Variants in WWOX observed in about 807,000 individuals in gnomAD.
WWOX encodes the protein WW domain containing oxidoreductase, also known as WW domain-containing oxidoreductase.
In WWOX, 69 loss-of-function variants were observed where a neutral mutation model predicts 46.2. The observed-to-expected ratio is 1.49, with a 90% CI of 1.23 to 1.82. WWOX has a LOEUF of 1.82. Ranked by LOEUF, WWOX falls within the 40% of genes most tolerant of loss-of-function variation. The pLI is 0.00. For missense variants in WWOX, 919 were observed against 542.6 expected (o/e 1.69, Z -6.89); for synonymous variants, 359 against 202.6 (o/e 1.77, Z -6.56).
chr16:79,172,499 C>T (rs972966361), intron 8 of WWOX, among the ~76,000 whole-genome samples: 2 of 152,054 alleles, frequency 1.3e-5, no homozygotes, highest in African/African-American at 4.8e-5. Flanking sequence ...TCAGAGTAGG[C>T]CCTACATAAA....
At chr16:78,506,728 T>TTTTTTTTTTTG (rs1330915138) in intron 8 of WWOX, among the ~76,000 whole-genome samples, 11 of 93,588 alleles carry the variant, frequency 1.2e-4, no homozygotes, top group Non-Finnish European at 1.4e-4. Flanking sequence ...TTTTTTTTTT[T>TTTTTTTTTTTG]GTACAGAGTC....
intron 8 of WWOX, among the ~76,000 whole-genome samples, chr16:79,083,671 A>T (rs552314948): frequency 6.6e-6 from 1 of 152,330 alleles, no homozygotes; most frequent in East Asian, 1.9e-4. Context: ...ATTGCACGGC[A>T]CAGAGGGAAT....
chr16:78,430,641 T>G (rs562040285), intron 7 of WWOX, among the ~76,000 whole-genome samples: 35 of 152,142 alleles, frequency 2.3e-4, no homozygotes, highest in Non-Finnish European at 5.0e-4. Flanking sequence ...CCTTAGACAA[T>G]TAAGCTTGGA....
rs2032395023 is a variant in WWOX at position 78,109,968 on chromosome 16, G to A, written c.230+133G>A. Reference sequence around the variant, plus strand: ...GTGTATCTGTAATCTTAGCAGAAGTGACTACTTTTAACATCGCTGGAACTT... The same window carrying A: ...GTGTATCTGTAATCTTAGCAGAAGTAACTACTTTTAACATCGCTGGAACTT... On this transcript the variant is annotated intron_variant, in intron 3 of 8. Coordinates refer to ENST00000566780, the MANE Select transcript of WWOX (RefSeq NM_016373.4). The A allele has an allele frequency of 7.2e-6, 7 of 969,426 alleles. No homozygotes were observed. In the South Asian group the frequency reaches 8.6e-5, roughly 12 times the overall value. The allele number at this position is 969,426 out of a possible 1,614,324, so 60.1% of individuals were successfully genotyped here. A position where few individuals can be genotyped will look rare whatever the true frequency, so the allele number is the denominator to read the frequency against.
chr16:78,699,591 A>G lies in WWOX; in HGVS notation c.1056+266839A>G, dbSNP rs144371954. Among the ~76,000 whole-genome samples the G allele has an allele frequency of 3.3e-5, 5 of 152,294 alleles. No individual in the cohort carries two copies. In the East Asian group the frequency reaches 9.7e-4, roughly 29 times the overall value. On this transcript the variant is annotated intron_variant, in intron 8 of 8. Transcript: ENST00000566780. ...AGTTCATGAGATACCACATACGTGA[A>G]TATATGCTAACACAGCAGCATTATT...
intron 8 of WWOX, among the ~76,000 whole-genome samples, chr16:78,749,073 C>T (rs2049416622): frequency 1.3e-5 from 2 of 152,188 alleles, no homozygotes. Flanking sequence ...ATCACATGGT[C>T]TGGATGTGTT....
At chr16:78,525,023 A>C (rs1355836716) in intron 8 of WWOX, among the ~76,000 whole-genome samples, 5 of 149,548 alleles carry the variant, frequency 3.3e-5, no homozygotes, top group Non-Finnish European at 7.4e-5. Flanking sequence ...ATGCCACCAC[A>C]CTTGGCTACT....
chr16:78,691,486 G>A (rs2047986519), intron 8 of WWOX, among the ~76,000 whole-genome samples: 1 of 152,054 alleles, frequency 6.6e-6, no homozygotes, highest in Non-Finnish European at 1.5e-5. Flanking sequence ...GTGGGAGGAT[G>A]GTTAGAGCCT....
At chr16:78,864,518 C>G (rs979750308) in intron 8 of WWOX, among the ~76,000 whole-genome samples, 2 of 152,104 alleles carry the variant, frequency 1.3e-5, no homozygotes, top group Non-Finnish European at 1.5e-5. Context: ...ATCCGCCTGC[C>G]TTGGCCTCCC....
intron 5 of WWOX, among the ~76,000 whole-genome samples, chr16:78,319,528 C>G (rs1173909884): frequency 1.3e-5 from 2 of 152,110 alleles, no homozygotes; most frequent in African/African-American, 2.4e-5. Flanking sequence ...TCCCAATCTG[C>G]TGAGATTACA....
At chr16:79,048,179 G>C (rs543452795) in intron 8 of WWOX, among the ~76,000 whole-genome samples, 3 of 152,218 alleles carry the variant, frequency 2.0e-5, no homozygotes, top group African/African-American at 7.2e-5. Flanking sequence ...GCTAGCCTTC[G>C]ACTTTCTATT....
chr16:78,724,417 A>T (rs2048775432), intron 8 of WWOX, among the ~76,000 whole-genome samples: 1 of 152,196 alleles, frequency 6.6e-6, no homozygotes. Flanking sequence ...TTCCAGAAGA[A>T]GTTAAGGTAA....
At chr16:78,110,575 A>G (rs1209305000) in intron 3 of WWOX, among the ~76,000 whole-genome samples, 1 of 152,182 alleles carries the variant, frequency 6.6e-6, no homozygotes, top group Non-Finnish European at 1.5e-5. Context: ...TAAATAATGT[A>G]TTGAGCATCC....
chr16:78,318,925 C>A (rs1266157714), intron 5 of WWOX, among the ~76,000 whole-genome samples: 1 of 152,154 alleles, frequency 6.6e-6, no homozygotes, highest in Non-Finnish European at 1.5e-5. Flanking sequence ...ATTAGGATGT[C>A]TGCGTCCTAA....
At chr16:78,857,780 G>A (rs1205672710) in intron 8 of WWOX, among the ~76,000 whole-genome samples, 3 of 152,166 alleles carry the variant, frequency 2.0e-5, no homozygotes, top group Non-Finnish European at 4.4e-5. Context: ...TTCCTTTACA[G>A]GAGAAAAGAA....
At chr16:78,829,691 C>G (rs114410044) in intron 8 of WWOX, among the ~76,000 whole-genome samples, 1 of 152,136 alleles carries the variant, frequency 6.6e-6, no homozygotes, top group East Asian at 1.9e-4. Flanking sequence ...TCATTCAGTT[C>G]CCCTAACAGG....
intron 5 of WWOX, 101 bp downstream of exon 5, chr16:78,164,390 G>T (rs767813858): frequency 1.0e-4 from 107 of 1,021,942 alleles, no homozygotes; most frequent in Non-Finnish European, 1.6e-4. Context: ...ATTGCTCTTG[G>T]AATCATGTCT....
chr16:79,071,776 G>C (rs143935382), intron 8 of WWOX, among the ~76,000 whole-genome samples: 9 of 152,350 alleles, frequency 5.9e-5, no homozygotes, highest in African/African-American at 2.2e-4. Flanking sequence ...GAGTGGCTCT[G>C]ATTCAGAGGT....
intron 4 of WWOX, among the ~76,000 whole-genome samples, chr16:78,146,295 A>G (rs1462957613): frequency 6.6e-6 from 1 of 152,044 alleles, no homozygotes; most frequent in Non-Finnish European, 1.5e-5. Context: ...ACCAACTCAG[A>G]GCTCTTTCTC....
Sources: gnomAD v4.1 joint callset for allele counts (sites outside exome capture counted in the v4.1 genomes callset) on GRCh38, gnomAD v4.1.1 for gene constraint, MANE v1.5 for transcripts, NCBI Gene and HGNC (gene_info 2026-07-23, HGNC 2026-07-21) for gene names.